RUFY2: variants seen among roughly 807,000 people sequenced by gnomAD.
RUFY2 encodes RUN and FYVE domain-containing protein 2.
RUFY2 carries 49 observed loss-of-function variants against 94.4 expected under a neutral mutation model. The ratio of observed to expected loss-of-function variants is 0.52; its 90% CI spans 0.41 to 0.66. The LOEUF (loss-of-function observed/expected upper bound fraction) is 0.66, where lower values mean the gene tolerates loss of function less well. Among genes scored for constraint, RUFY2 ranks in the 30% least tolerant of loss-of-function variants. RUFY2 has a pLI of 0.00. For synonymous variants in RUFY2, 255 were observed against 235.7 expected (o/e 1.08, Z -0.75); for missense variants, 541 against 692.8 (o/e 0.78, Z 2.46).
chr10:68,390,743 G>A (rs1194458231), intron 7 of RUFY2, among the ~76,000 whole-genome samples: 2 of 151,630 alleles, frequency 1.3e-5, no homozygotes, highest in Non-Finnish European at 2.9e-5. Flanking sequence ...CTATAGACAT[G>A]TACCACCATG....
rs764172830 is a variant in RUFY2 at position 68,376,442 on chromosome 10, GTATA to G, written c.1325+407_1325+410del. 8.0e-3 allele frequency among the ~76,000 whole-genome samples: 224 copies of G among 27,920 alleles called. 3 individuals are homozygous for G. Among genetic ancestry groups the G allele is most frequent in the Middle Eastern group, 0.026 (1 of 38 alleles). The allele number at this position is 27,920 out of a possible 152,430, so 18.3% of individuals were successfully genotyped here. A position where few individuals can be genotyped will look rare whatever the true frequency, so the allele number is the denominator to read the frequency against. Reference sequence around the variant, plus strand: ...GAAACTTCATCTCAAAAAAATGTGTGTATATATATATATATATATATATATATAT... The same window carrying G: ...GAAACTTCATCTCAAAAAAATGTGTGTATATATATATATATATATATATAT... On this transcript the variant is annotated intron_variant, in intron 13 of 17. Transcript: ENST00000602465.
At chr10:68,346,778 T>C (rs936289757) in intron 16 of RUFY2, 2 of 152,200 alleles carry the variant, frequency 1.3e-5, no homozygotes, top group African/African-American at 4.8e-5. Flanking sequence ...GGATAAATTC[T>C]CACTGTGTAA....
intron 13 of RUFY2, among the ~76,000 whole-genome samples, chr10:68,375,265 A>T (rs1304163596): frequency 6.9e-6 from 1 of 145,392 alleles, no homozygotes; most frequent in Non-Finnish European, 1.5e-5. Flanking sequence ...AAATGATAAG[A>T]ACTTACGAAC....
At chr10:68,377,558 A>G (rs2048761695) in intron 12 of RUFY2, 1 of 985,240 alleles carries the variant, frequency 1.0e-6, no homozygotes, top group Admixed American at 6.2e-5. Context: ...TTAAGATTCA[A>G]AAAGAATTTG....
intron 16 of RUFY2, among the ~76,000 whole-genome samples, chr10:68,353,294 G>A (rs1256600110): frequency 6.7e-6 from 1 of 149,568 alleles, no homozygotes; most frequent in East Asian, 2.0e-4. Context: ...TCGCGCCACT[G>A]CACTCCAGCC....
chr10:68,391,660 A>G (rs1315307766), intron 7 of RUFY2, among the ~76,000 whole-genome samples: 1 of 148,544 alleles, frequency 6.7e-6, no homozygotes. Context: ...TCTCAAAAAA[A>G]AAAAAAAAAA....
rs1589744255 is a variant in RUFY2 at position 68,345,665 on chromosome 10, C to G, written c.*103G>C. On this transcript the variant is annotated 3_prime_UTR_variant, in exon 18 of 18. Transcript: ENST00000602465. ...GTAGAAGATAAACTGGTACCAAATA[C>G]TGACCGAAAGCCGCTTAAGGAGAGC... 2 of 989,880 alleles carry G rather than the reference C, an allele frequency of 2.0e-6. No homozygotes were observed. The highest frequency in any genetic ancestry group is 1.5e-6 in the Non-Finnish European group (1 of 661,778). 61.3% of individuals were successfully genotyped at this position (989,880 alleles called of 1,614,324 possible).
At chr10:68,367,599 T>C (rs541895993) in intron 13 of RUFY2, among the ~76,000 whole-genome samples, 2 of 152,262 alleles carry the variant, frequency 1.3e-5, no homozygotes, top group Admixed American at 6.5e-5. Flanking sequence ...GGGCTACAGG[T>C]GTGTGCCACA....
At chr10:68,346,232 A>G in intron 16 of RUFY2, 148 bp from the exon 17 acceptor site, 1 of 639,922 alleles carries the variant, frequency 1.6e-6, no homozygotes, top group East Asian at 2.9e-5. Context: ...ATATATGTAA[A>G]TATGTATGGA....
rs764172830 is a variant in RUFY2 at position 68,376,442 on chromosome 10, G to GTATATA, written c.1325+405_1325+410dup. Among the ~76,000 whole-genome samples the GTATATA allele has an allele frequency of 2.3e-3, 64 of 27,934 alleles. 5 individuals carry two copies. The highest frequency in any genetic ancestry group is 4.0e-3 in the Admixed American group (7 of 1,730). The allele number at this position is 27,934 out of a possible 152,430, so 18.3% of individuals were successfully genotyped here. On this transcript the variant is annotated intron_variant, in intron 13 of 17. Transcript: ENST00000602465. ...GAAACTTCATCTCAAAAAAATGTGT[G>GTATATA]TATATATATATATATATATATATAT...
At chr10:68,366,922 C>T (rs2047893530) in intron 13 of RUFY2, among the ~76,000 whole-genome samples, 1 of 147,182 alleles carries the variant, frequency 6.8e-6, no homozygotes, top group African/African-American at 2.5e-5. Context: ...GTAATCCCAG[C>T]ACTTTCAGAG....
chr10:68,389,433 G>A (rs1265366649), intron 7 of RUFY2, among the ~76,000 whole-genome samples: 3 of 151,628 alleles, frequency 2.0e-5, no homozygotes, highest in Non-Finnish European at 2.9e-5. Flanking sequence ...TCTACTGAAC[G>A]TGCAAAAAAT....
chr10:68,377,266 C>T, intron 12 of RUFY2: 1 of 1,195,650 alleles, frequency 8.4e-7, no homozygotes, highest in South Asian at 2.0e-5. Flanking sequence ...ACCACTTATG[C>T]AGAGCATAAC....
At chr10:68,396,746 A>G (rs1463631239) in intron 4 of RUFY2, 34 bp downstream of exon 4, 1 of 1,392,952 alleles carries the variant, frequency 7.2e-7, no homozygotes, top group Non-Finnish European at 1.0e-6. Flanking sequence ...AAATAAAATA[A>G]AAAATGAAAA....
downstream of RUFY2, chr10:68,341,509 T>A (rs1564756503): frequency 1.8e-6 from 2 of 1,137,950 alleles, no homozygotes; most frequent in East Asian, 4.8e-5. Flanking sequence ...TAATTGATCT[T>A]TTTTACAAAG....
chr10:68,401,978 C>T (rs1407840730), intron 2 of RUFY2, among the ~76,000 whole-genome samples: 1 of 152,096 alleles, frequency 6.6e-6, no homozygotes, highest in Admixed American at 6.6e-5. Flanking sequence ...ATCAAATATG[C>T]AGTAAGGTAA....
At chr10:68,384,253 C>T (rs572862592) in intron 8 of RUFY2, 101 bp from the exon 9 acceptor site, 2 of 1,389,168 alleles carry the variant, frequency 1.4e-6, no homozygotes, top group Non-Finnish European at 1.9e-6. Flanking sequence ...TAAAATCTCA[C>T]AACTAGCAAA....
In RUFY2 at chr10:68,355,139, G is replaced by A. The variant is rs184074197; in HGVS notation, c.1599+214C>T. ...TCGGATTACGGGCGTGAGCCACTGCGCCCGGCCTCTAAGGTCAGTTTCTAA... is the reference window on the plus strand; with the variant it reads ...TCGGATTACGGGCGTGAGCCACTGCACCCGGCCTCTAAGGTCAGTTTCTAA... On this transcript the variant is annotated intron_variant, in intron 16 of 17. Coordinates refer to ENST00000602465, the MANE Select transcript of RUFY2 (RefSeq NM_001330103.2). 6.3e-3 allele frequency among the ~76,000 whole-genome samples: 964 copies of A among 152,138 alleles called. 17 individuals are homozygous for A. The highest frequency in any genetic ancestry group is 0.022 in the African/African-American group (922 of 41,526).
chr10:68,370,957 C>G (rs1250898367), intron 13 of RUFY2, among the ~76,000 whole-genome samples: 4 of 151,856 alleles, frequency 2.6e-5, no homozygotes, highest in Admixed American at 1.3e-4. Flanking sequence ...ATGGTGAAAC[C>G]CTGTCTCTAC....
Sources: allele counts gnomAD v4.1 joint callset (sites outside exome capture counted in the v4.1 genomes callset), GRCh38; gene constraint gnomAD v4.1.1; transcripts MANE v1.5; gene names NCBI Gene and HGNC (gene_info 2026-07-23, HGNC 2026-07-21).